Variants in JMJD1C observed in about 807,000 individuals in gnomAD.
The protein encoded by JMJD1C is jumonji domain-containing protein 1C.
JMJD1C carries 31 observed loss-of-function variants against 245.3 expected under a neutral mutation model. The observed-to-expected ratio is 0.13, with a 90% CI of 0.09 to 0.17. The LOEUF (loss-of-function observed/expected upper bound fraction) is 0.17. JMJD1C is among the 10% of genes least tolerant of loss of function. The probability of loss-of-function intolerance (pLI) is 1.00; values close to 1 mark genes in which losing one functional copy is unlikely to be tolerated. For missense variants in JMJD1C, 2,691 were observed against 3,000.2 expected (o/e 0.90, Z 2.41); for synonymous variants, 1,057 against 1,017.4 (o/e 1.04, Z -0.74).
chr10:63,237,889 G>A (rs967678859), intron 3 of JMJD1C, among the ~76,000 whole-genome samples: 6 of 151,220 alleles, frequency 4.0e-5, no homozygotes, highest in Admixed American at 1.3e-4. Flanking sequence ...AAAAAAAGGC[G>A]GCCAGGCACA....
intron 2 of JMJD1C, among the ~76,000 whole-genome samples, chr10:63,369,803 G>A (rs1433204573): frequency 1.1e-4 from 16 of 152,136 alleles, no homozygotes; most frequent in Admixed American, 9.8e-4. Context: ...TGATCTCCAG[G>A]GCTCTAGAAT....
intron 3 of JMJD1C, among the ~76,000 whole-genome samples, chr10:63,257,099 TGGTG>T (rs1197177552): frequency 1.3e-5 from 2 of 151,490 alleles, no homozygotes; most frequent in Non-Finnish European, 2.9e-5. Context: ...TAGCCGGGCG[TGGTG>T]GCTCGCACCT....
intron 2 of JMJD1C, among the ~76,000 whole-genome samples, chr10:63,284,865 A>G (rs1266037322): frequency 4.3e-5 from 1 of 23,386 alleles, no homozygotes; most frequent in South Asian, 1.0e-3. Flanking sequence ...ATTCACACAC[A>G]CACACACACA....
intron 2 of JMJD1C, among the ~76,000 whole-genome samples, chr10:63,357,179 G>A (rs1003704339): frequency 2.5e-4 from 38 of 151,952 alleles, no homozygotes; most frequent in Admixed American, 6.6e-5. Context: ...GACTATAGAT[G>A]CGTGCCACCA....
At chr10:63,361,743 A>AAG (rs1326399052) in intron 2 of JMJD1C, among the ~76,000 whole-genome samples, 1 of 139,002 alleles carries the variant, frequency 7.2e-6, no homozygotes, top group African/African-American at 2.5e-5. Flanking sequence ...AAAAAAAAAA[A>AAG]AAAAGAAAAA....
intron 3 of JMJD1C, among the ~76,000 whole-genome samples, chr10:63,245,029 C>T (rs1238996644): frequency 6.8e-6 from 1 of 146,064 alleles, no homozygotes; most frequent in African/African-American, 2.5e-5. Flanking sequence ...CCTAGCTATT[C>T]GGGAGGCTGA....
intron 8 of JMJD1C, 114 bp downstream of exon 8, chr10:63,213,359 T>A: frequency 1.4e-6 from 1 of 703,674 alleles, no homozygotes; most frequent in Non-Finnish European, 2.3e-6. Context: ...AACCGAAAAA[T>A]TCTAACATAT....
At chr10:63,291,342 C>T (rs1477840345) in intron 2 of JMJD1C, among the ~76,000 whole-genome samples, 2 of 133,570 alleles carry the variant, frequency 1.5e-5, no homozygotes, top group Non-Finnish European at 3.1e-5. Context: ...AAGGGCTGGG[C>T]GAGGTGGCTC....
At chr10:63,383,064 C>T (rs182672965) in intron 1 of JMJD1C, among the ~76,000 whole-genome samples, 2 of 152,060 alleles carry the variant, frequency 1.3e-5, no homozygotes, top group African/African-American at 2.4e-5. Flanking sequence ...TTAGTGCTCA[C>T]TACAGTGCTG....
chr10:63,400,524 T>C (rs757083503), intron 1 of JMJD1C, among the ~76,000 whole-genome samples: 9 of 152,160 alleles, frequency 5.9e-5, no homozygotes, highest in Non-Finnish European at 1.0e-4. Flanking sequence ...TTCTGCTCTT[T>C]ATTTCCTGCC....
rs148886331 is a variant in JMJD1C, at chr10:63,245,778, G to A, written c.447+18873C>T. On this transcript the variant is annotated intron_variant, in intron 3 of 25. Coordinates refer to ENST00000399262, the MANE Select transcript of JMJD1C (RefSeq NM_032776.3). Reference sequence around the variant, plus strand: ...GATTACAGGCGTGAGCCACCAGCCCGGCCGGGAACTCCTCTCTTTAAAGCC... The same window carrying A: ...GATTACAGGCGTGAGCCACCAGCCCAGCCGGGAACTCCTCTCTTTAAAGCC... 3.5e-4 allele frequency among the ~76,000 whole-genome samples: 54 copies of A among 152,154 alleles called. No individual in the cohort carries two copies. In the East Asian group the frequency reaches 5.0e-3, roughly 14 times the overall value.
chr10:63,492,030 T>C (rs1954194059), intron 1 of JMJD1C, among the ~76,000 whole-genome samples: 1 of 152,216 alleles, frequency 6.6e-6, no homozygotes, highest in South Asian at 2.1e-4. Flanking sequence ...GAGTAAATTA[T>C]AACTTTTTCT....
chr10:63,183,862 A>T (rs1325164149), intron 21 of JMJD1C, among the ~76,000 whole-genome samples: 2 of 152,242 alleles, frequency 1.3e-5, no homozygotes, highest in African/African-American at 4.8e-5. Context: ...CTTCATATAA[A>T]AAAGGGTTTC....
chr10:63,410,068 A>G (rs1000769121), intron 1 of JMJD1C, among the ~76,000 whole-genome samples: 3 of 152,202 alleles, frequency 2.0e-5, no homozygotes, highest in Non-Finnish European at 4.4e-5. Context: ...AGATGTATTA[A>G]AAGATCTCAC....
At chr10:63,366,107 A>G (rs193041809) in intron 2 of JMJD1C, among the ~76,000 whole-genome samples, 144 of 152,340 alleles carry the variant, frequency 9.5e-4, no homozygotes, top group Non-Finnish European at 3.2e-4. Flanking sequence ...TTTGGGCCAC[A>G]AAGTAATAGC....
rs991159102 is a variant in JMJD1C at position 63,192,971 on chromosome 10, G to C, written c.6043C>G (p.Leu2015Val). 3 of 1,613,804 alleles carry C rather than the reference G, an allele frequency of 1.9e-6. No homozygotes were observed. Among genetic ancestry groups the C allele is most frequent in the Non-Finnish European group, 2.5e-6 (3 of 1,179,954 alleles). The change falls in exon 16 of 26, where the codon CTT becomes GTT. Residue 2015 changes from leucine (L) to valine (V), a missense_variant. By Grantham distance (32) the Leu-to-Val change is conservative. This residue lies in a region of JMJD1C where 275 missense variants were observed against 285.5 expected (regional missense o/e 0.96). Transcript: ENST00000399262. ...TCCTCTCTGGCTTTTTGCTCTGCAA[G>C]ATCTGCTAACCAGTGCAGTGGTGAC... ...SQSPLHWLAD[L>V]AEQKAREEKK...
At chr10:63,191,890 C>T (rs1844849531) in intron 16 of JMJD1C, among the ~76,000 whole-genome samples, 1 of 30,606 alleles carries the variant, frequency 3.3e-5, no homozygotes, top group Non-Finnish European at 6.3e-5. Context: ...GAGGCTGAGG[C>T]ACAAGAATCG....
chr10:63,326,261 G>A lies in JMJD1C; in HGVS notation c.333+54057C>T, dbSNP rs758473632. ...TGTAATCCCAGCACTTTGGAAGGCC[G>A]AGACAGGCGGATCATTTGAGGTCAA... On this transcript the variant is annotated intron_variant, in intron 2 of 25. Coordinates refer to ENST00000399262, the MANE Select transcript of JMJD1C (RefSeq NM_032776.3). Among the ~76,000 whole-genome samples the A allele has an allele frequency of 2.4e-4, 37 of 152,116 alleles. 1 individual carries two copies. Among genetic ancestry groups the A allele is most frequent in the East Asian group, 7.8e-4 (4 of 5,160 alleles).
At chr10:63,287,033 A>T (rs1858066925) in intron 2 of JMJD1C, among the ~76,000 whole-genome samples, 1 of 152,206 alleles carries the variant, frequency 6.6e-6, no homozygotes, top group African/African-American at 2.4e-5. Flanking sequence ...CAACATAGGG[A>T]GATCTTGTCT....
Sources: allele counts gnomAD v4.1 joint callset (sites outside exome capture counted in the v4.1 genomes callset), GRCh38; gene constraint gnomAD v4.1.1; regional missense constraint gnomAD v4.1.1; transcripts MANE v1.5; gene names NCBI Gene and HGNC (gene_info 2026-07-23, HGNC 2026-07-21).